Variants in RANBP3 observed in about 807,000 individuals in gnomAD.
RANBP3 encodes RAN binding protein 3, also known as ran-binding protein 3.
RANBP3 carries 14 observed loss-of-function variants against 77.3 expected under a neutral mutation model. That is an observed-to-expected ratio of 0.18 (90% CI 0.12 to 0.28). The LOEUF (loss-of-function observed/expected upper bound fraction) is 0.28, where lower values mean the gene tolerates loss of function less well. RANBP3 is among the 10% of genes least tolerant of loss of function. RANBP3 has a pLI of 1.00. For synonymous variants in RANBP3, 315 were observed against 312.4 expected (o/e 1.01, Z -0.09); for missense variants, 586 against 752.3 (o/e 0.78, Z 2.59).
intron 2 of RANBP3, among the ~76,000 whole-genome samples, chr19:5,953,455 C>T (rs1055302505): frequency 6.6e-6 from 1 of 152,182 alleles, no homozygotes; most frequent in Admixed American, 6.5e-5. Context: ...TCTAAACACC[C>T]TACGACCACA....
rs749250391 is a variant in RANBP3, at chr19:5,923,280, C to T, written c.1123G>A (p.Ala375Thr). ...EKESLAESAA[A>T]YTKATARKCL... Reference sequence around the variant, plus strand: ...TTCCGCGCTGTTGCCTTGGTGTAGGCGGCTGCCGACTCAGCCAGGGACTCT... The same window carrying T: ...TTCCGCGCTGTTGCCTTGGTGTAGGTGGCTGCCGACTCAGCCAGGGACTCT... The change falls in exon 13 of 17, where the codon GCC (alanine) becomes ACC (threonine). Residue 375 changes from alanine to threonine, a missense_variant. By Grantham distance (58) the Ala-to-Thr change is moderately conservative (BLOSUM62 0). Transcript: ENST00000340578. 8.1e-6 allele frequency: 13 copies of T among 1,614,204 alleles called. No homozygotes were observed. The highest frequency in any genetic ancestry group is 1.0e-5 in the Non-Finnish European group (12 of 1,180,026).
Position 5,925,664 on chromosome 19 carries a change from G to T in RANBP3, c.887C>A (p.Thr296Lys). The change falls in exon 10 of 17, where the codon ACG becomes AAG. Residue 296 changes from threonine to lysine, a missense_variant. Coordinates refer to ENST00000340578, the MANE Select transcript of RANBP3 (RefSeq NM_007322.3). Reference sequence around the variant, plus strand: ...ACTGATATACTGGAGGAAATAGTTCGTTGCGGTTGGCGTGTCTGCGCTGGG... The same window carrying T: ...ACTGATATACTGGAGGAAATAGTTCTTTGCGGTTGGCGTGTCTGCGCTGGG... ...GHPSADTPTA[T>K]NYFLQYISSS... The T allele has an allele frequency of 6.2e-7, 1 of 1,613,984 alleles. No homozygotes were observed. Among genetic ancestry groups the T allele is most frequent in the Non-Finnish European group, 8.5e-7 (1 of 1,179,962 alleles).
intron 5 of RANBP3, among the ~76,000 whole-genome samples, chr19:5,941,209 C>T (rs1448626434): frequency 6.6e-6 from 1 of 152,202 alleles, no homozygotes; most frequent in Non-Finnish European, 1.5e-5. Context: ...TGGGCTACTG[C>T]ACTGGACTGC....
At chr19:5,972,347 G>A (rs78298260) in intron 1 of RANBP3, among the ~76,000 whole-genome samples, 4,853 of 152,324 alleles carry the variant, frequency 0.032, 115 homozygotes, top group Non-Finnish European at 0.05. Flanking sequence ...AGACTACTGA[G>A]GAGGAAGCAA....
At chr19:5,935,723 G>C (rs546960800) in intron 5 of RANBP3, 43 of 456,768 alleles carry the variant, frequency 9.4e-5, no homozygotes, top group African/African-American at 8.0e-4. Context: ...GCCCTCTCCA[G>C]AGCTGCAGAC....
At position 5,924,022 on chromosome 19, in the gene RANBP3, T is replaced by C; in HGVS notation, c.997-108A>G. The C allele has an allele frequency of 2.5e-6, 2 of 799,704 alleles. No homozygotes were observed. The highest frequency in any genetic ancestry group is 2.7e-5 in the East Asian group (1 of 37,356). 49.5% of individuals were successfully genotyped at this position (799,704 alleles called of 1,614,324 possible). On this transcript the variant is annotated intron_variant, in intron 11 of 16. Coordinates refer to ENST00000340578, the MANE Select transcript of RANBP3 (RefSeq NM_007322.3). This position sits in a 1 kb window ranked among gnomAD's most constrained non-coding sequence, Gnocchi z 4.7. ...CCCAACACTACGCTGCCCCCAGCACTCCTGCCCACTCCCGGTGACACCCTG... is the reference window on the plus strand; with the variant it reads ...CCCAACACTACGCTGCCCCCAGCACCCCTGCCCACTCCCGGTGACACCCTG...
chr19:5,977,939 G>T, intron 1 of RANBP3, 122 bp downstream of exon 1: 1 of 1,304,504 alleles, frequency 7.7e-7, no homozygotes, highest in Non-Finnish European at 1.0e-6. Context: ...CCGCCACGGC[G>T]CTAGCCTGGA....
intron 14 of RANBP3, among the ~76,000 whole-genome samples, chr19:5,920,087 T>C (rs2057798290): frequency 1.3e-5 from 2 of 152,046 alleles, no homozygotes; most frequent in Non-Finnish European, 2.9e-5. Context: ...GAAGACACTT[T>C]GATTTGGGAA....
chr19:5,937,982 C>T (rs1045426852), intron 5 of RANBP3, among the ~76,000 whole-genome samples: 2 of 152,168 alleles, frequency 1.3e-5, no homozygotes, highest in East Asian at 1.9e-4. Context: ...CTAAGCGACA[C>T]CCCAGGAATA....
intron 2 of RANBP3, among the ~76,000 whole-genome samples, chr19:5,956,641 G>C (rs1039155184): frequency 6.6e-6 from 1 of 152,132 alleles, no homozygotes; most frequent in African/African-American, 2.4e-5. Context: ...GGGAGGTTTA[G>C]AACAACCATT....
chr19:5,925,996 C>T (rs914674240), intron 9 of RANBP3, among the ~76,000 whole-genome samples: 6 of 152,208 alleles, frequency 3.9e-5, no homozygotes, highest in African/African-American at 1.4e-4. Flanking sequence ...TACAAAACCA[C>T]GCCTTGTTAT....
At position 5,957,933 on chromosome 19, in the gene RANBP3, C is replaced by T; in HGVS notation, c.63G>A (p.Lys21=). 1 of 1,614,166 alleles carries T rather than the reference C, an allele frequency of 6.2e-7. No homozygotes were observed. Among genetic ancestry groups the T allele is most frequent in the Non-Finnish European group, 8.5e-7 (1 of 1,180,028 alleles). The change falls in exon 2 of 17, where the codon AAG becomes AAA. Residue 21 remains lysine (K), a synonymous_variant. Coordinates refer to ENST00000340578, the MANE Select transcript of RANBP3 (RefSeq NM_007322.3). ...GGCCCCTTACCTTTTGTCCTTTATC[C>T]TTCTGAAACACAAAGACGGGCGGAG... is the stretch of plus-strand genomic sequence containing the variant. The part of the protein sequence containing the change: ...AIAPPVFVFQ[K]DKGQKSPAEQ...
Position 5,954,893 on chromosome 19 carries a change from T to C in RANBP3, c.78+3025A>G, listed in dbSNP as rs187244563. 3.6e-3 allele frequency among the ~76,000 whole-genome samples: 551 copies of C among 152,258 alleles called. 1 individual carries two copies. The highest frequency in any genetic ancestry group is 5.5e-3 in the Non-Finnish European group (377 of 68,002). Reference sequence around the variant, plus strand: ...CTCACTCCCCAGTGGCAGAAAGGACTCTAGGGCCATGTGGACACTGTCCTC... The same window carrying C: ...CTCACTCCCCAGTGGCAGAAAGGACCCTAGGGCCATGTGGACACTGTCCTC... On this transcript the variant is annotated intron_variant, in intron 2 of 16. Coordinates refer to ENST00000340578, the MANE Select transcript of RANBP3 (RefSeq NM_007322.3).
Position 5,952,737 on chromosome 19 carries a change from G to A in RANBP3, c.79-1141C>T, listed in dbSNP as rs558012996. On this transcript the variant is annotated intron_variant, in intron 2 of 16. Transcript: ENST00000340578. This position sits in a 1 kb window ranked among gnomAD's most constrained non-coding sequence, Gnocchi z 4.1. ...AGGAGGAAAGGAGCTACAGAAAGAG[G>A]ATGTAAGAGAATGTACACAAATTCC... Among the ~76,000 whole-genome samples, 2 of 152,284 alleles carry A rather than the reference G, an allele frequency of 1.3e-5. No individual in the cohort carries two copies. The highest frequency in any genetic ancestry group is 1.3e-4 in the Admixed American group (2 of 15,300).
Position 5,924,950 on chromosome 19 carries a change from G to A in RANBP3, c.918-45C>T, listed in dbSNP as rs8107420. The A allele has an allele frequency of 3.6e-3, 5,547 of 1,555,382 alleles. 170 individuals are homozygous for A. In the African/African-American group the frequency reaches 0.066, roughly 19 times the overall value. The stretch of plus-strand genomic sequence containing the variant: ...TGAGTGTGGGGCGTCACGTGGGAAC[G>A]TGGCCAGGCAAATGTATGGGTACCC... On this transcript the variant is annotated intron_variant, in intron 10 of 16. Coordinates refer to ENST00000340578, the MANE Select transcript of RANBP3 (RefSeq NM_007322.3). This position sits in a 1 kb window ranked among gnomAD's most constrained non-coding sequence, Gnocchi z 4.7.
intron 5 of RANBP3, among the ~76,000 whole-genome samples, chr19:5,936,850 G>A (rs1599745179): frequency 6.6e-6 from 1 of 152,058 alleles, no homozygotes; most frequent in Admixed American, 6.6e-5. Context: ...GTGGGGAGAA[G>A]GGCAAGCTCC....
Position 5,925,645 on chromosome 19 carries a change from A to G in RANBP3, c.906T>C (p.Tyr302=), listed in dbSNP as rs1257794116. ...ACCGAGACACACACCTGGAACTGAT[A>G]TACTGGAGGAAATAGTTCGTTGCGG... ...TPTATNYFLQ[Y]ISSSLENSTN... is the part of the protein sequence containing the mutation. The change falls in exon 10 of 17, where the codon TAT becomes TAC. Residue 302 remains tyrosine, a synonymous_variant. Coordinates refer to ENST00000340578, the MANE Select transcript of RANBP3 (RefSeq NM_007322.3). 3.1e-6 allele frequency: 5 copies of G among 1,613,618 alleles called. No homozygotes were observed. Among genetic ancestry groups the G allele is most frequent in the Non-Finnish European group, 4.2e-6 (5 of 1,179,820 alleles).
chr19:5,926,743 C>T (rs903855477), intron 9 of RANBP3, among the ~76,000 whole-genome samples: 10 of 152,128 alleles, frequency 6.6e-5, no homozygotes, highest in African/African-American at 2.2e-4. Flanking sequence ...AGCCCTTCCC[C>T]GCCTCTTGCC....
intron 14 of RANBP3, 83 bp from the exon 15 acceptor site, chr19:5,918,721 G>C: frequency 6.6e-7 from 1 of 1,513,704 alleles, no homozygotes; most frequent in South Asian, 1.2e-5. Flanking sequence ...ACACAGTCCA[G>C]ATGGAAAGCG....
Sources: allele counts gnomAD v4.1 joint callset (sites outside exome capture counted in the v4.1 genomes callset), GRCh38; gene constraint gnomAD v4.1.1; non-coding constraint Gnocchi (gnomAD v3.1); transcripts MANE v1.5; gene names NCBI Gene and HGNC (gene_info 2026-07-23, HGNC 2026-07-21).